TANGO6: variants seen among roughly 807,000 people sequenced by gnomAD.
The protein encoded by TANGO6 is transport and Golgi organization protein 6 homolog.
In TANGO6, 90 loss-of-function variants were observed where a neutral mutation model predicts 114.2. The ratio of observed to expected loss-of-function variants is 0.79; its 90% CI spans 0.66 to 0.94. TANGO6 has a LOEUF of 0.94. Among genes scored for constraint, TANGO6 ranks in the 40% least tolerant of loss-of-function variants. TANGO6 has a pLI of 0.00. For missense variants in TANGO6, 1,274 were observed against 1,315.3 expected (o/e 0.97, Z 0.49); for synonymous variants, 477 against 509.8 (o/e 0.94, Z 0.87).
chr16:69,016,729 A>G (rs1229961833), intron 15 of TANGO6, among the ~76,000 whole-genome samples: 1 of 152,026 alleles, frequency 6.6e-6, no homozygotes, highest in Non-Finnish European at 1.5e-5. Flanking sequence ...GTGCGATCTC[A>G]GCTCACTGCA....
intron 16 of TANGO6, among the ~76,000 whole-genome samples, chr16:69,025,113 C>T (rs957496098): frequency 2.6e-5 from 4 of 152,218 alleles, no homozygotes; most frequent in African/African-American, 9.6e-5. Flanking sequence ...ACTTTGCAAG[C>T]CAGGGACCTC....
chr16:69,076,857 C>T (rs1960387549), intron 17 of TANGO6, among the ~76,000 whole-genome samples: 1 of 152,038 alleles, frequency 6.6e-6, no homozygotes, highest in Admixed American at 6.6e-5. Flanking sequence ...GCTCCCTGTC[C>T]CATTGGAGTT....
chr16:68,970,701 C>T (rs184048907), intron 14 of TANGO6, among the ~76,000 whole-genome samples: 1 of 148,206 alleles, frequency 6.7e-6, no homozygotes, highest in East Asian at 2.0e-4. Flanking sequence ...TGTTAAACAA[C>T]AGTAAGAGGG....
At chr16:69,058,060 C>T (rs1442640005) in intron 17 of TANGO6, among the ~76,000 whole-genome samples, 1 of 152,138 alleles carries the variant, frequency 6.6e-6, no homozygotes, top group Non-Finnish European at 1.5e-5. Flanking sequence ...CAACCTGATT[C>T]GGGGATTATT....
At chr16:68,855,611 G>A (rs1330943973) in intron 1 of TANGO6, among the ~76,000 whole-genome samples, 3 of 151,996 alleles carry the variant, frequency 2.0e-5, no homozygotes, top group Admixed American at 6.6e-5. Flanking sequence ...TCAGCCGGGC[G>A]TGGTGGTGCA....
chr16:68,932,698 G>A (rs755527574), intron 14 of TANGO6, among the ~76,000 whole-genome samples: 20 of 152,038 alleles, frequency 1.3e-4, no homozygotes, highest in Non-Finnish European at 2.2e-4. Context: ...GCTGAGACAC[G>A]AGAATTGCCT....
chr16:68,972,733 G>T (rs1009490957), intron 14 of TANGO6, among the ~76,000 whole-genome samples: 1 of 152,180 alleles, frequency 6.6e-6, no homozygotes, highest in Non-Finnish European at 1.5e-5. Context: ...TACACAACCT[G>T]TCAGGTGATA....
intron 17 of TANGO6, among the ~76,000 whole-genome samples, chr16:69,046,410 A>G (rs1399853033): frequency 3.3e-5 from 5 of 151,306 alleles, no homozygotes; most frequent in African/African-American, 1.2e-4. Flanking sequence ...ACGTCTGCCT[A>G]CCTATTCAAG....
chr16:69,039,388 C>T (rs1172134892), intron 16 of TANGO6, among the ~76,000 whole-genome samples: 1 of 150,768 alleles, frequency 6.6e-6, no homozygotes, highest in Non-Finnish European at 1.5e-5. Flanking sequence ...GTAATCCTAG[C>T]ACCTTGGGAG....
intron 15 of TANGO6, among the ~76,000 whole-genome samples, chr16:68,993,067 CA>C (rs569951475): frequency 2.2e-5 from 3 of 134,900 alleles, no homozygotes; most frequent in Non-Finnish European, 3.2e-5. Context: ...GACTCTGTCT[CA>C]AAAAAAAAAG....
intron 14 of TANGO6, among the ~76,000 whole-genome samples, chr16:68,952,958 G>A (rs1443588972): frequency 6.6e-6 from 1 of 151,960 alleles, no homozygotes; most frequent in Non-Finnish European, 1.5e-5. Flanking sequence ...GGGACAAAAA[G>A]AGAATTGTAA....
chr16:68,973,038 T>C, intron 14 of TANGO6: 1 of 445,366 alleles, frequency 2.2e-6, no homozygotes. Context: ...TGGGGACTGC[T>C]CATATTCAGG....
At chr16:69,021,560 T>C (rs1959406378) in intron 15 of TANGO6, among the ~76,000 whole-genome samples, 1 of 152,212 alleles carries the variant, frequency 6.6e-6, no homozygotes, top group South Asian at 2.1e-4. Context: ...TCATGGTCTC[T>C]TGTTTCGCAG....
At chr16:68,894,680 T>C (rs1962679029) in intron 7 of TANGO6, among the ~76,000 whole-genome samples, 1 of 151,994 alleles carries the variant, frequency 6.6e-6, no homozygotes, top group Admixed American at 6.6e-5. Flanking sequence ...AGGAGGTAAG[T>C]ATTGAGAGGC....
At chr16:69,046,088 A>C (rs1197090525) in intron 17 of TANGO6, among the ~76,000 whole-genome samples, 2 of 151,580 alleles carry the variant, frequency 1.3e-5, no homozygotes, top group Non-Finnish European at 2.9e-5. Context: ...AAAAATTAAA[A>C]TTAAAGAAAA....
At chr16:68,917,276 G>A (rs1198000760) in intron 11 of TANGO6, among the ~76,000 whole-genome samples, 1 of 152,058 alleles carries the variant, frequency 6.6e-6, no homozygotes, top group East Asian at 1.9e-4. Flanking sequence ...TTGTTTGGAT[G>A]TATCACAGTT....
chr16:68,902,461 G>A lies in TANGO6; in HGVS notation c.1624G>A (p.Ala542Thr). 6.2e-7 allele frequency: 1 copy of A among 1,613,122 alleles called. No homozygotes were observed. Among genetic ancestry groups the A allele is most frequent in the Non-Finnish European group, 8.5e-7 (1 of 1,179,502 alleles). Residue 542 changes from alanine (A) to threonine (T), a missense_variant, in exon 9 of 18, where the codon GCC becomes ACC. Ala to Thr is a moderately conservative substitution (Grantham distance 58). Transcript: ENST00000261778. ...CCATTCTCTGTGTCAGTTTAGAGTT[G>A]CCACTCAAGGTGGCATTATGATTAC... ...SLHSLCQFRVATQGGIMITIK... is the reference protein window; with the variant it reads ...SLHSLCQFRVTTQGGIMITIK...
At chr16:68,973,207 G>T in intron 14 of TANGO6, 1 of 454,632 alleles carries the variant, frequency 2.2e-6, no homozygotes. Context: ...GATGGGCCAG[G>T]GTGCTTGGGG....
intron 11 of TANGO6, among the ~76,000 whole-genome samples, chr16:68,916,377 A>G (rs1315773318): frequency 6.6e-6 from 1 of 152,118 alleles, no homozygotes; most frequent in Admixed American, 6.6e-5. Context: ...TAGGTTGCGC[A>G]GTCCTTATGA....
Sources: gnomAD v4.1 joint callset for allele counts (sites outside exome capture counted in the v4.1 genomes callset) on GRCh38, gnomAD v4.1.1 for gene constraint, MANE v1.5 for transcripts, NCBI Gene and HGNC (gene_info 2026-07-23, HGNC 2026-07-21) for gene names.